Variants in DMD observed in about 807,000 individuals in gnomAD.
DMD encodes the protein dystrophin.
In DMD, 63 loss-of-function variants were observed where a neutral mutation model predicts 330.1. The ratio of observed to expected loss-of-function variants is 0.19; its 90% confidence interval spans 0.16 to 0.24. The LOEUF is 0.24. Among genes scored for constraint, DMD ranks in the 10% least tolerant of loss-of-function variants. The pLI is 1.00. For synonymous variants in DMD, 1,223 were observed against 959.8 expected, an observed-to-expected ratio of 1.27 and a Z score of -5.07; for missense variants, 3,344 against 2,684.1, an observed-to-expected ratio of 1.25 and a Z score of -5.43.
At chrX:33,218,378 A>T (rs2052096433) in intron 1 of DMD, among the ~76,000 whole-genome samples, 1 of 110,872 alleles carries the variant, frequency 9.0e-6, no homozygotes, top group African/African-American at 3.3e-5. Context: ...CTCCTCTTCT[A>T]TTTTCTGGAA....
At chrX:33,096,135 C>T (rs866880385) in intron 1 of DMD, among the ~76,000 whole-genome samples, 3 of 109,228 alleles carry the variant, frequency 2.7e-5, no homozygotes, top group Admixed American at 2.0e-4. Flanking sequence ...CCACCACGCC[C>T]GGCTAACTTT....
At chrX:32,189,671 T>G (rs958936185) in intron 44 of DMD, among the ~76,000 whole-genome samples, 14 of 110,126 alleles carry the variant, frequency 1.3e-4, no homozygotes, top group African/African-American at 4.3e-4. Context: ...TTCCGCAAAG[T>G]TATTAGGAAG....
In DMD at chrX:31,187,716, TCAGAGAGAGAGAGAGAGAGAGAGAGA is replaced by T. The variant is rs1435536471; in HGVS notation, c.9808-4838_9808-4813del. On this transcript the variant is annotated intron_variant, in intron 67 of 78. Transcript: ENST00000357033. Reference sequence around the variant, plus strand: ...TCAGCTCTGGAATCTTCCCAGATTCTCAGAGAGAGAGAGAGAGAGAGAGAGAGAGAGAGAGAGAGAGAGAGAGAGAG... The same window carrying T: ...TCAGCTCTGGAATCTTCCCAGATTCTGAGAGAGAGAGAGAGAGAGAGAGAG... Among the ~76,000 whole-genome samples the T allele has an allele frequency of 1.1e-3, 87 of 76,623 alleles. 3 individuals are homozygous for T. Among genetic ancestry groups the T allele is most frequent in the African/African-American group, 4.5e-3 (86 of 19,264 alleles). 66.5% of individuals were successfully genotyped at this position (76,623 alleles called of 115,157 possible).
intron 1 of DMD, among the ~76,000 whole-genome samples, chrX:33,027,064 C>T (rs186409626): frequency 1.8e-5 from 2 of 112,264 alleles, no homozygotes; most frequent in African/African-American, 3.2e-5. Context: ...AAAATGGCCA[C>T]GTGCTAATCC....
intron 1 of DMD, among the ~76,000 whole-genome samples, chrX:33,187,179 C>T (rs1284857533): frequency 1.8e-5 from 2 of 111,890 alleles, no homozygotes; most frequent in Non-Finnish European, 3.8e-5. Context: ...GAATATTCAC[C>T]AATATTATTG....
At chrX:32,482,360 A>G (rs1293414354) in intron 21 of DMD, among the ~76,000 whole-genome samples, 2 of 111,102 alleles carry the variant, frequency 1.8e-5, no homozygotes, top group Admixed American at 9.6e-5. Flanking sequence ...GCCTGTACAG[A>G]TTTGCCTATT....
At chrX:32,596,766 C>A (rs1034214311) in intron 12 of DMD, among the ~76,000 whole-genome samples, 2 of 110,280 alleles carry the variant, frequency 1.8e-5, no homozygotes, top group African/African-American at 6.6e-5. Flanking sequence ...AGGCTGCTCT[C>A]AAACTCCTGA....
At chrX:31,350,732 T>C (rs1043980251) in intron 60 of DMD, among the ~76,000 whole-genome samples, 3 of 109,029 alleles carry the variant, frequency 2.8e-5, no homozygotes, top group African/African-American at 1.0e-4. Flanking sequence ...AGGTCTGTAA[T>C]GGTTAATTCT....
chrX:32,215,032 T>C (rs1287577494), intron 44 of DMD, among the ~76,000 whole-genome samples: 1 of 111,532 alleles, frequency 9.0e-6, no homozygotes, highest in Admixed American at 9.6e-5. Flanking sequence ...ACATGTTGAG[T>C]AGACACATGG....
chrX:33,149,038 G>A (rs2048158203), intron 1 of DMD, among the ~76,000 whole-genome samples: 1 of 110,610 alleles, frequency 9.0e-6, no homozygotes, highest in Non-Finnish European at 1.9e-5. Flanking sequence ...CCACAGACTG[G>A]GGTTAGTGGG....
intron 43 of DMD, among the ~76,000 whole-genome samples, chrX:32,236,844 A>G (rs2097189694): frequency 8.9e-6 from 1 of 112,300 alleles, no homozygotes; most frequent in South Asian, 3.7e-4. Flanking sequence ...TCTATTCATA[A>G]GTGTATTTGA....
chrX:32,341,581 C>T (rs2097743032), intron 41 of DMD, among the ~76,000 whole-genome samples: 1 of 111,677 alleles, frequency 9.0e-6, no homozygotes. Flanking sequence ...CTTTTATGGG[C>T]ACTGTAACCC....
At chrX:31,660,541 T>C (rs2081066061) in intron 53 of DMD, among the ~76,000 whole-genome samples, 1 of 112,144 alleles carries the variant, frequency 8.9e-6, no homozygotes, top group Non-Finnish European at 1.9e-5. Context: ...ATTAAATTGC[T>C]AATTAATAGC....
intron 53 of DMD, among the ~76,000 whole-genome samples, chrX:31,660,910 G>C (rs2081083922): frequency 1.8e-5 from 2 of 110,892 alleles, no homozygotes; most frequent in South Asian, 7.5e-4. Context: ...CAATAAAGCT[G>C]TTAAAATTAA....
chrX:32,654,994 A>C (rs191886231), intron 9 of DMD, among the ~76,000 whole-genome samples: 8,943 of 111,037 alleles, frequency 0.081, 866 homozygotes, highest in African/African-American at 0.28. Flanking sequence ...CGGTGGTGAT[A>C]TCCCCTTTAT....
At chrX:32,015,216 A>C (rs1281071052) in intron 44 of DMD, among the ~76,000 whole-genome samples, 1 of 111,912 alleles carries the variant, frequency 8.9e-6, no homozygotes. Context: ...GCTGAGAACC[A>C]ACAGTTCGAT....
intron 44 of DMD, among the ~76,000 whole-genome samples, chrX:32,137,706 T>G (rs1218294567): frequency 9.0e-6 from 1 of 110,660 alleles, no homozygotes; most frequent in Non-Finnish European, 1.9e-5. Flanking sequence ...AAGTTTTTGA[T>G]TTCAGGTTTT....
At chrX:32,339,679 T>C (rs1244575993) in intron 41 of DMD, among the ~76,000 whole-genome samples, 2 of 111,927 alleles carry the variant, frequency 1.8e-5, no homozygotes, top group East Asian at 5.6e-4. Flanking sequence ...CTTCTCTGAG[T>C]CTTTATCTGT....
rs185430122 is a variant in DMD, at chrX:32,657,310, T to C, written c.961-12158A>G. 4.5e-3 allele frequency among the ~76,000 whole-genome samples: 499 copies of C among 111,734 alleles called. 2 individuals are homozygous for C. The highest frequency in any genetic ancestry group is 7.4e-3 in the Non-Finnish European group (395 of 53,103). On this transcript the variant is annotated intron_variant, in intron 9 of 78. Coordinates refer to ENST00000357033, the MANE Select transcript of DMD (RefSeq NM_004006.3). ...TTAGAGAAATGTACCTAGAACAATT[T>C]AATAACCCAATATAAAAGATTTCTT...
Sources: allele counts gnomAD v4.1 joint callset (sites outside exome capture counted in the v4.1 genomes callset), GRCh38; gene constraint gnomAD v4.1.1; transcripts MANE v1.5; gene names NCBI Gene and HGNC (gene_info 2026-07-23, HGNC 2026-07-21).